Variants in BLOC1S5 observed in about 807,000 individuals in gnomAD.
BLOC1S5 encodes biogenesis of lysosomal organelles complex 1 subunit 5, also known as biogenesis of lysosome-related organelles complex 1 subunit 5.
A neutral mutation model predicts 24.3 loss-of-function variants in BLOC1S5; 27 were observed. That is an observed-to-expected ratio of 1.11 (90% confidence interval 0.82 to 1.53). The LOEUF is 1.53. Among genes scored for constraint, BLOC1S5 ranks in the 40% most tolerant of loss-of-function variants. BLOC1S5 has a pLI of 0.00. For synonymous variants in BLOC1S5, 84 were observed against 74.5 expected (o/e 1.13, Z -0.66); for missense variants, 239 against 229.4 (o/e 1.04, Z -0.27).
intron 2 of BLOC1S5, among the ~76,000 whole-genome samples, chr6:8,047,160 T>TCTCTCTCACA (rs1475934039): frequency 8.0e-4 from 101 of 126,942 alleles, no homozygotes; most frequent in African/African-American, 3.1e-3. Flanking sequence ...TCTCTCTCTC[T>TCTCTCTCACA]CACACACACA....
intron 2 of BLOC1S5, among the ~76,000 whole-genome samples, chr6:8,060,621 T>A (rs1388282522): frequency 2.0e-5 from 3 of 152,114 alleles, no homozygotes; most frequent in Non-Finnish European, 4.4e-5. Flanking sequence ...GAAAGATAAG[T>A]AGAAAGATTT....
At chr6:8,049,186 C>G (rs1764019550) in intron 2 of BLOC1S5, among the ~76,000 whole-genome samples, 1 of 151,840 alleles carries the variant, frequency 6.6e-6, no homozygotes, top group Admixed American at 6.6e-5. Context: ...GCCTGGCCAA[C>G]ATGGTGAAAC....
intron 2 of BLOC1S5, among the ~76,000 whole-genome samples, chr6:8,056,840 T>C (rs1030521065): frequency 3.9e-5 from 6 of 152,328 alleles, no homozygotes; most frequent in African/African-American, 1.4e-4. Context: ...GGGTTATTTA[T>C]TGTAGCAGGC....
chr6:8,028,248 T>C (rs115506438), intron 3 of BLOC1S5, among the ~76,000 whole-genome samples: 1,681 of 152,304 alleles, frequency 0.011, 29 homozygotes, highest in African/African-American at 0.038. Flanking sequence ...GAGAAGAATT[T>C]TGTTTTCAAA....
Position 8,022,568 on chromosome 6 carries a change from A to ATTT in BLOC1S5, c.384+3796_384+3798dup, listed in dbSNP as rs35289860. ...ATATGTTACTCTATTTTCAAACTCT[A>ATTT]TTTTTTTTTTCTTTTTTTTTTTTCT... On this transcript the variant is annotated intron_variant, in intron 4 of 4. Transcript: ENST00000397457. Among the ~76,000 whole-genome samples the ATTT allele has an allele frequency of 6.5e-5, 8 of 123,974 alleles. 2 individuals carry two copies. The highest frequency in any genetic ancestry group is 6.0e-4 in the East Asian group (2 of 3,356). 81.3% of individuals were successfully genotyped at this position (123,974 alleles called of 152,430 possible).
chr6:8,046,964 TG>T (rs1165148263), intron 2 of BLOC1S5, among the ~76,000 whole-genome samples: 17 of 151,836 alleles, frequency 1.1e-4, no homozygotes, highest in Non-Finnish European at 2.4e-4. Flanking sequence ...AAAAATTTTT[TG>T]TAGAGACAGG....
intron 2 of BLOC1S5, among the ~76,000 whole-genome samples, chr6:8,048,014 A>C (rs1763965112): frequency 6.6e-6 from 1 of 152,218 alleles, no homozygotes. Flanking sequence ...GTATCCACTA[A>C]AGGTGATTAG....
At chr6:8,032,443 A>T (rs1763333613) in intron 3 of BLOC1S5, among the ~76,000 whole-genome samples, 2 of 152,138 alleles carry the variant, frequency 1.3e-5, no homozygotes, top group African/African-American at 2.4e-5. Flanking sequence ...GCCATAATTT[A>T]AAAAATTTAA....
intron 3 of BLOC1S5, among the ~76,000 whole-genome samples, chr6:8,037,894 T>C (rs1297404807): frequency 6.6e-6 from 1 of 152,120 alleles, no homozygotes; most frequent in Non-Finnish European, 1.5e-5. Flanking sequence ...GGCTCTTCGA[T>C]AACCAGTGCT....
rs1757303635 is a variant in BLOC1S5 at position 8,062,597 on chromosome 6, T to G, written c.132A>C (p.Ser44=). Residue 44 remains serine (S), a synonymous_variant, in exon 2 of 5, where the codon TCA becomes TCC. Transcript: ENST00000397457. ...LIIKDLGEIH[S]RLLDHRPVIQ... ...TAACTGGTCTGTGATCCAAAAGCCT[T>G]GAATGAATTTCTCCAAGATCTATAA... The G allele has an allele frequency of 6.2e-7, 1 of 1,601,686 alleles. No homozygotes were observed. Among genetic ancestry groups the G allele is most frequent in the Middle Eastern group, 1.7e-4 (1 of 6,012 alleles).
intron 3 of BLOC1S5, among the ~76,000 whole-genome samples, chr6:8,028,813 A>T (rs1181070616): frequency 2.0e-5 from 3 of 152,148 alleles, no homozygotes; most frequent in East Asian, 3.9e-4. Flanking sequence ...CAATCACCAG[A>T]CTGCACCAAA....
intron 2 of BLOC1S5, among the ~76,000 whole-genome samples, chr6:8,059,309 G>A (rs1425738529): frequency 2.0e-5 from 3 of 152,126 alleles, no homozygotes; most frequent in Admixed American, 6.5e-5. Flanking sequence ...TAGCCTAAGA[G>A]GACTTCAATA....
At chr6:8,028,529 C>T (rs1264473577) in intron 3 of BLOC1S5, among the ~76,000 whole-genome samples, 3 of 152,086 alleles carry the variant, frequency 2.0e-5, no homozygotes, top group Admixed American at 6.5e-5. Flanking sequence ...TTAGGAGCTT[C>T]ATCACTTTCA....
chr6:8,021,616 A>G (rs1762919041), intron 4 of BLOC1S5, among the ~76,000 whole-genome samples: 1 of 151,978 alleles, frequency 6.6e-6, no homozygotes, highest in Non-Finnish European at 1.5e-5. Flanking sequence ...ATAGTAATAA[A>G]TAAATTTAGA....
At chr6:8,045,590 G>T (rs1763854816) in intron 2 of BLOC1S5, among the ~76,000 whole-genome samples, 1 of 152,128 alleles carries the variant, frequency 6.6e-6, no homozygotes, top group South Asian at 2.1e-4. Flanking sequence ...TAGGAGGGAG[G>T]CTGTACCCTG....
chr6:8,016,833 C>T (rs1762754270), intron 4 of BLOC1S5, among the ~76,000 whole-genome samples: 2 of 144,518 alleles, frequency 1.4e-5, no homozygotes, highest in Admixed American at 1.4e-4. Context: ...GTGAGATGAG[C>T]ACGCCATTGC....
rs1207628425 is a variant in BLOC1S5, at chr6:8,015,803, C to T, written c.410G>A (p.Ser137Asn). 9.9e-6 allele frequency: 16 copies of T among 1,613,378 alleles called. No individual in the cohort carries two copies. Among genetic ancestry groups the T allele is most frequent in the Non-Finnish European group, 1.4e-5 (16 of 1,179,858 alleles). The change falls in exon 5 of 5, where the codon AGT becomes AAT. Residue 137 changes from serine to asparagine, a missense_variant. Physicochemically the swap from Ser to Asn is conservative, Grantham distance 46 (BLOSUM62 1). Transcript: ENST00000397457. ...KKIHSDHLVA[S>N]EKQHMLQWDN... ...CCACTGGAGCATATGCTGTTTCTCA[C>T]TAGCTACTAAGTGGTCACTATGAAT...
rs1396621065 is a variant in BLOC1S5 at position 8,022,665 on chromosome 6, A to G, written c.384+3702T>C. Among the ~76,000 whole-genome samples the G allele has an allele frequency of 2.9e-5, 4 of 138,590 alleles. 1 individual carries two copies. The highest frequency in any genetic ancestry group is 1.1e-4 in the African/African-American group (4 of 37,096). 90.9% of individuals were successfully genotyped at this position (138,590 alleles called of 152,430 possible). ...AGTGGCGGGATCTCGGCTCACTGCA[A>G]GCTCCGCCTCCCGGGTTCACGCCAT... On this transcript the variant is annotated intron_variant, in intron 4 of 4. Transcript: ENST00000397457.
At chr6:8,033,016 T>C (rs1262253908) in intron 3 of BLOC1S5, among the ~76,000 whole-genome samples, 2 of 152,084 alleles carry the variant, frequency 1.3e-5, no homozygotes, top group Admixed American at 6.6e-5. Flanking sequence ...TGCTCATGGA[T>C]AGGAAGAATC....
Sources: allele counts gnomAD v4.1 joint callset (sites outside exome capture counted in the v4.1 genomes callset), GRCh38; gene constraint gnomAD v4.1.1; transcripts MANE v1.5; gene names NCBI Gene and HGNC (gene_info 2026-07-23, HGNC 2026-07-21).